Variants in C1orf50 observed in about 807,000 individuals in gnomAD.
C1orf50 encodes chromosome 1 open reading frame 50.
Under a neutral mutation model 23.3 loss-of-function variants are expected in C1orf50, and 22 were observed. That is an observed-to-expected ratio of 0.94 (90% CI 0.67 to 1.35). The LOEUF is 1.35. Ranked by LOEUF, C1orf50 falls within the 40% of genes most tolerant of loss-of-function variation. The probability of loss-of-function intolerance (pLI) is 0.00; values close to 1 mark genes in which losing one functional copy is unlikely to be tolerated. For missense variants in C1orf50, 271 were observed against 249.4 expected (o/e 1.09, Z -0.58); for synonymous variants, 96 against 102.4 (o/e 0.94, Z 0.38).
chr1:42,773,666 A>T lies in C1orf50; in HGVS notation c.282+17A>T, dbSNP rs371228822. ...GCCAGGAAGGTAAGGAATGACTGTT[A>T]GACAGGCTTTCATTTTCTTTATTTA... On this transcript the variant is annotated intron_variant, in intron 3 of 4. Transcript: ENST00000372525. The T allele has an allele frequency of 1.2e-4, 185 of 1,551,676 alleles. No homozygotes were observed. The highest frequency in any genetic ancestry group is 1.6e-4 in the Non-Finnish European group (179 of 1,126,414).
chr1:42,774,382 C>T (rs1049629988), intron 3 of C1orf50, among the ~76,000 whole-genome samples: 18 of 152,044 alleles, frequency 1.2e-4, no homozygotes, highest in African/African-American at 4.3e-4. Flanking sequence ...CATATGCCAC[C>T]ACACCTGGCT....
chr1:42,775,208 G>C lies in C1orf50; in HGVS notation c.415-1G>C, dbSNP rs767846735. On this transcript the variant is annotated splice_acceptor_variant, in intron 4 of 4. Coordinates refer to ENST00000372525, the MANE Select transcript of C1orf50 (RefSeq NM_024097.4). LOFTEE classifies it high-confidence loss of function. ...GGAACTGCCTCCTTTGCCTTCTCTA[G>C]GAATGGGGGACAAGTTGTCCACATG... 1.1e-5 allele frequency: 18 copies of C among 1,587,182 alleles called. No individual in the cohort carries two copies. The East Asian group carries it at 3.9e-4, about 34-fold the overall frequency.
chr1:42,774,997 A>G lies in C1orf50; in HGVS notation c.414+129A>G, dbSNP rs1297645116. ...AAAATTGGGGGTGATGTGAGCCCAG[A>G]CATGACTCTAAAAAATATACCTGTG... On this transcript the variant is annotated intron_variant, in intron 4 of 4. Transcript: ENST00000372525. 13 of 1,195,198 alleles carry G rather than the reference A, an allele frequency of 1.1e-5. No homozygotes were observed. In the African/African-American group the frequency reaches 2.0e-4, roughly 18 times the overall value. The allele number at this position is 1,195,198 out of a possible 1,614,324, so 74.0% of individuals were successfully genotyped here. A position where few individuals can be genotyped will look rare whatever the true frequency, so the allele number is the denominator to read the frequency against.
rs1557585797 is a variant in C1orf50 at position 42,774,878 on chromosome 1, T to C, written c.414+10T>C. On this transcript the variant is annotated intron_variant, in intron 4 of 4. Coordinates refer to ENST00000372525, the MANE Select transcript of C1orf50 (RefSeq NM_024097.4). ...CATCATTTCTCCAAAGGTAAGAACATACATTGTTTGCCCAAAAATCTACTC... is the reference window on the plus strand; with the variant it reads ...CATCATTTCTCCAAAGGTAAGAACACACATTGTTTGCCCAAAAATCTACTC... 1.2e-6 allele frequency: 2 copies of C among 1,600,106 alleles called. No homozygotes were observed. The highest frequency in any genetic ancestry group is 1.7e-6 in the Non-Finnish European group (2 of 1,171,328).
At chr1:42,774,906 G>C in intron 4 of C1orf50, 38 bp downstream of exon 4, 12 of 1,585,252 alleles carry the variant, frequency 7.6e-6, no homozygotes, top group Non-Finnish European at 1.0e-5. Flanking sequence ...ATCTACTCCA[G>C]CCTCTGAGAA....
intron 2 of C1orf50, chr1:42,773,325 A>G (rs1327458848): frequency 5.8e-6 from 2 of 341,882 alleles, no homozygotes; most frequent in Non-Finnish European, 1.1e-5. Context: ...GTGGAAAGCT[A>G]TGGGAAATAG....
chr1:42,767,392 T>C lies in C1orf50; in HGVS notation c.79+2T>C. The C allele has an allele frequency of 1.3e-6, 2 of 1,554,860 alleles. No individual in the cohort carries two copies. Among genetic ancestry groups the C allele is most frequent in the Middle Eastern group, 1.9e-4 (1 of 5,344 alleles). On this transcript the variant is annotated splice_donor_variant, in intron 1 of 4. Transcript: ENST00000372525. LOFTEE classifies it high-confidence loss of function. Reference sequence around the variant, plus strand: ...CGCCGCCAGCTGCAGGCCAGGGAGGTATGCGGGGCGGGAGTCAGCAGGGGG... The same window carrying C: ...CGCCGCCAGCTGCAGGCCAGGGAGGCATGCGGGGCGGGAGTCAGCAGGGGG...
rs1653320639 is a variant in C1orf50 at position 42,775,611 on chromosome 1, A to C, written c.*217A>C. ...TTTCGGGATCCTCTTTGGACCACAG[A>C]TACCCAAGTCAGTCAGTTTCAGAGT... On this transcript the variant is annotated 3_prime_UTR_variant, in exon 5 of 5. Coordinates refer to ENST00000372525, the MANE Select transcript of C1orf50 (RefSeq NM_024097.4). The C allele has an allele frequency of 4.5e-6, 2 of 441,366 alleles. No homozygotes were observed. Among genetic ancestry groups the C allele is most frequent in the Non-Finnish European group, 8.1e-6 (2 of 246,618 alleles). The allele number at this position is 441,366 out of a possible 1,614,324, so 27.3% of individuals were successfully genotyped here. A position where few individuals can be genotyped will look rare whatever the true frequency, so the allele number is the denominator to read the frequency against.
rs375084749 is a variant in C1orf50, at chr1:42,773,584, A to G, written c.217A>G (p.Asn73Asp). The change falls in exon 3 of 5, where the codon AAT (asparagine) becomes GAT (aspartate). Residue 73 changes from asparagine to aspartate, a missense_variant. Physicochemically the swap from Asn to Asp is conservative, Grantham distance 23. Coordinates refer to ENST00000372525, the MANE Select transcript of C1orf50 (RefSeq NM_024097.4). ...GTAGGCTGATGAATTCATCCGAGCA[A>G]ATGCCACCAACAAGCTGACAGTCAT... is the stretch of plus-strand genomic sequence containing the variant. ...VQKADEFIRA[N>D]ATNKLTVIAE... The G allele has an allele frequency of 6.2e-7, 1 of 1,612,832 alleles. No individual in the cohort carries two copies. The highest frequency in any genetic ancestry group is 8.5e-7 in the Non-Finnish European group (1 of 1,179,004).
chr1:42,769,259 A>C (rs558240908), intron 2 of C1orf50, among the ~76,000 whole-genome samples: 13 of 150,586 alleles, frequency 8.6e-5, no homozygotes, highest in African/African-American at 3.2e-4. Context: ...AAAACAAAAA[A>C]ATGAGGCTGG....
At position 42,770,540 on chromosome 1, in the gene C1orf50, C is replaced by T. The variant is rs143170370; in HGVS notation, c.195+2916C>T. Reference sequence around the variant, plus strand: ...CTCTGCCTACCGAGTTCAAGCAATTCTCCTGCCTCAGCCTCCCAAGTAGCT... The same window carrying T: ...CTCTGCCTACCGAGTTCAAGCAATTTTCCTGCCTCAGCCTCCCAAGTAGCT... On this transcript the variant is annotated intron_variant, in intron 2 of 4. Transcript: ENST00000372525. 5.9e-4 allele frequency among the ~76,000 whole-genome samples: 90 copies of T among 152,032 alleles called. 1 individual carries two copies. In the East Asian group the frequency reaches 0.017, roughly 29 times the overall value.
rs948946248 is a variant in C1orf50, at chr1:42,767,387, G to C, written c.76G>C (p.Gly26Arg). Residue 26 changes from glycine to arginine, a missense_variant, in exon 1 of 5, where the codon GGA becomes CGA. Physicochemically the swap from Gly to Arg is moderately radical, Grantham distance 125. Transcript: ENST00000372525. ...RQGAPPAAGQ[G>R]GALVELTPTP... is the part of the protein sequence containing the mutation. ...AGGAGCGCCGCCAGCTGCAGGCCAG[G>C]GAGGTATGCGGGGCGGGAGTCAGCA... 3 of 1,555,210 alleles carry C rather than the reference G, an allele frequency of 1.9e-6. No homozygotes were observed. In the African/African-American group the frequency reaches 4.1e-5, roughly 21 times the overall value.
intron 1 of C1orf50, 24 bp downstream of exon 1, chr1:42,767,414 G>A (rs1653092804): frequency 1.3e-6 from 2 of 1,555,386 alleles, no homozygotes; most frequent in Non-Finnish European, 1.7e-6. Flanking sequence ...GAGTCAGCAG[G>A]GGGAAGTCAG....
At position 42,767,406 on chromosome 1, in the gene C1orf50, G is replaced by A. The variant is rs1213353658; in HGVS notation, c.79+16G>A. On this transcript the variant is annotated intron_variant, in intron 1 of 4. Coordinates refer to ENST00000372525, the MANE Select transcript of C1orf50 (RefSeq NM_024097.4). ...GGCCAGGGAGGTATGCGGGGCGGGA[G>A]TCAGCAGGGGGAAGTCAGCTCCCGC... is the stretch of plus-strand genomic sequence containing the variant. 3 of 1,555,680 alleles carry A rather than the reference G, an allele frequency of 1.9e-6. No homozygotes were observed. Among genetic ancestry groups the A allele is most frequent in the Non-Finnish European group, 2.6e-6 (3 of 1,151,160 alleles).
At position 42,773,607 on chromosome 1, in the gene C1orf50, C is replaced by T; in HGVS notation, c.240C>T (p.Val80=). ...CAAATGCCACCAACAAGCTGACAGT[C>T]ATAGCTGAGCAAATCCAACATTTGC... ...IRANATNKLT[V]IAEQIQHLQE... The change falls in exon 3 of 5, where the codon GTC becomes GTT. Residue 80 remains valine, a synonymous_variant. Transcript: ENST00000372525. The T allele has an allele frequency of 6.2e-7, 1 of 1,612,996 alleles. No homozygotes were observed. The highest frequency in any genetic ancestry group is 8.5e-7 in the Non-Finnish European group (1 of 1,179,190).
At chr1:42,767,854 TG>T (rs1653116123) in intron 2 of C1orf50, among the ~76,000 whole-genome samples, 1 of 152,332 alleles carries the variant, frequency 6.6e-6, no homozygotes, top group African/African-American at 2.4e-5. Context: ...TCTTCCTTCG[TG>T]GGAAGGTTTA....
In C1orf50 at chr1:42,778,159, T is replaced by G. The variant is rs1262666309; in HGVS notation, c.*2765T>G. ...GAATGGGAAACTAGGACCCAGTGAT[T>G]ATATACAGTAATCACTTTTCATTTA... On this transcript the variant is annotated 3_prime_UTR_variant, in exon 5 of 5. Transcript: ENST00000372525. 2 of 152,192 alleles carry G rather than the reference T, an allele frequency of 1.3e-5. No individual in the cohort carries two copies. Among genetic ancestry groups the G allele is most frequent in the East Asian group, 3.9e-4 (2 of 5,164 alleles). 9.4% of individuals were successfully genotyped at this position (152,192 alleles called of 1,614,324 possible). A position where few individuals can be genotyped will look rare whatever the true frequency, so the allele number is the denominator to read the frequency against.
chr1:42,772,689 G>C (rs1653248126), intron 2 of C1orf50, among the ~76,000 whole-genome samples: 1 of 152,192 alleles, frequency 6.6e-6, no homozygotes, highest in Non-Finnish European at 1.5e-5. Flanking sequence ...GCTGACATTA[G>C]AGAATTACTT....
At chr1:42,768,056 A>G (rs1653124448) in intron 2 of C1orf50, among the ~76,000 whole-genome samples, 1 of 152,132 alleles carries the variant, frequency 6.6e-6, no homozygotes. Flanking sequence ...CAGGGCAAGG[A>G]CTCCAAGTTT....
Sources: gnomAD v4.1 joint callset for allele counts (sites outside exome capture counted in the v4.1 genomes callset) on GRCh38, gnomAD v4.1.1 for gene constraint, MANE v1.5 for transcripts, NCBI Gene and HGNC (gene_info 2026-07-23, HGNC 2026-07-21) for gene names.